Variants in ALK observed in about 807,000 individuals in gnomAD.
The protein encoded by ALK is ALK tyrosine kinase receptor.
ALK carries 74 observed loss-of-function variants against 163.1 expected under a neutral mutation model. The ratio of observed to expected loss-of-function variants is 0.45; its 90% confidence interval spans 0.38 to 0.55. The LOEUF (loss-of-function observed/expected upper bound fraction) is 0.55, where lower values mean the gene tolerates loss of function less well. Ranked by LOEUF, ALK falls within the 20% of genes least tolerant of loss-of-function variation. The probability of loss-of-function intolerance (pLI) is 0.00; values close to 1 mark genes in which losing one functional copy is unlikely to be tolerated. For missense variants in ALK, 2,063 were observed against 2,105.3 expected (o/e 0.98, Z 0.39); for synonymous variants, 960 against 843.2 (o/e 1.14, Z -2.40).
chr2:29,846,376 C>G (rs1572431351), intron 1 of ALK, among the ~76,000 whole-genome samples: 1 of 152,228 alleles, frequency 6.6e-6, no homozygotes, highest in African/African-American at 2.4e-5. Flanking sequence ...TCACAATACT[C>G]ATCACTATAT....
At position 29,621,821 on chromosome 2, in the gene ALK, G is replaced by A. The variant is rs374770879; in HGVS notation, c.952+73029C>T. ...CTCTTAACCAATCGCCAGCATCATT[G>A]TGCGAATGAGTTTGTCTCAACCATC... On this transcript the variant is annotated intron_variant, in intron 3 of 28. Coordinates refer to ENST00000389048, the MANE Select transcript of ALK (RefSeq NM_004304.5). Among the ~76,000 whole-genome samples, 14 of 152,260 alleles carry A rather than the reference G, an allele frequency of 9.2e-5. No homozygotes were observed. In the East Asian group the frequency reaches 1.4e-3, roughly 15 times the overall value.
intron 14 of ALK, 109 bp from the exon 15 acceptor site, chr2:29,232,557 C>A: frequency 6.9e-7 from 1 of 1,456,904 alleles, no homozygotes; most frequent in African/African-American, 1.4e-5. Flanking sequence ...TTTGGGGTGA[C>A]CTGGTGACCT....
At chr2:29,855,972 G>T (rs1367299744) in intron 1 of ALK, among the ~76,000 whole-genome samples, 1 of 152,196 alleles carries the variant, frequency 6.6e-6, no homozygotes, top group East Asian at 1.9e-4. Context: ...TAAAATTCAT[G>T]ATAATTACAT....
Position 29,207,288 on chromosome 2 carries a change from G to A in ALK, c.3837-16C>T, listed in dbSNP as rs2148152321. The A allele has an allele frequency of 6.2e-7, 1 of 1,601,920 alleles. No homozygotes were observed. The highest frequency in any genetic ancestry group is 8.6e-7 in the Non-Finnish European group (1 of 1,168,828). On this transcript the variant is annotated splice_polypyrimidine_tract_variant and intron_variant, in intron 25 of 28. Coordinates refer to ENST00000389048, the MANE Select transcript of ALK (RefSeq NM_004304.5). Reference sequence around the variant, plus strand: ...GTAGCTCGCCCTGTGGGGAAGGAGAGGAAAACCAAACTAGGATCTGGAGAT... The same window carrying A: ...GTAGCTCGCCCTGTGGGGAAGGAGAAGAAAACCAAACTAGGATCTGGAGAT...
At chr2:29,790,047 G>A (rs1664149578) in intron 1 of ALK, among the ~76,000 whole-genome samples, 1 of 152,176 alleles carries the variant, frequency 6.6e-6, no homozygotes, top group South Asian at 2.1e-4. Context: ...ATTCCCGAAT[G>A]CCGTCAAGAT....
At chr2:29,595,304 C>T (rs965566901) in intron 3 of ALK, among the ~76,000 whole-genome samples, 51 of 150,020 alleles carry the variant, frequency 3.4e-4, no homozygotes, top group African/African-American at 1.2e-3. Flanking sequence ...TCACTGAGAT[C>T]TGCTGTCTTA....
chr2:29,691,719 T>C (rs796677225), intron 3 of ALK, among the ~76,000 whole-genome samples: 10 of 152,298 alleles, frequency 6.6e-5, no homozygotes, highest in African/African-American at 2.4e-4. Context: ...TGTTTTGTCA[T>C]AGCACTCAGT....
chr2:29,915,439 C>T (rs1000146155), intron 1 of ALK, among the ~76,000 whole-genome samples: 2 of 152,050 alleles, frequency 1.3e-5, no homozygotes, highest in South Asian at 2.1e-4. Context: ...AGGCTGATCT[C>T]GAACTCCTGA....
chr2:29,795,470 G>A (rs536436810), intron 1 of ALK, among the ~76,000 whole-genome samples: 6 of 152,060 alleles, frequency 3.9e-5, no homozygotes, highest in East Asian at 1.9e-4. Context: ...TTAACTCATC[G>A]AAATCCATCC....
chr2:29,572,716 A>C (rs1347576717), intron 3 of ALK, among the ~76,000 whole-genome samples: 2 of 152,140 alleles, frequency 1.3e-5, no homozygotes, highest in East Asian at 1.9e-4. Context: ...CTTCAGCTCC[A>C]ATCCCCACGC....
chr2:29,828,184 T>C (rs948571671), intron 1 of ALK, among the ~76,000 whole-genome samples: 4 of 152,212 alleles, frequency 2.6e-5, no homozygotes, highest in African/African-American at 9.7e-5. Flanking sequence ...GATTAAAGAC[T>C]TAAATGTTAG....
At chr2:29,616,573 C>A (rs7598393) in intron 3 of ALK, among the ~76,000 whole-genome samples, 94,818 of 151,960 alleles carry the variant, frequency 0.62, 30,937 homozygotes, top group East Asian at 0.73. Context: ...TATCTATTGG[C>A]GAGGGCTCTG....
intron 4 of ALK, among the ~76,000 whole-genome samples, chr2:29,504,964 G>C (rs1672278187): frequency 6.6e-6 from 1 of 152,318 alleles, no homozygotes; most frequent in African/African-American, 2.4e-5. Flanking sequence ...CAGGGTGACT[G>C]TGACAGTGAG....
At chr2:29,897,632 C>A (rs192767990) in intron 1 of ALK, among the ~76,000 whole-genome samples, 1 of 152,264 alleles carries the variant, frequency 6.6e-6, no homozygotes, top group East Asian at 1.9e-4. Flanking sequence ...AGCCTCAAGA[C>A]CTCCTCTCTC....
At chr2:29,753,582 C>T (rs1247691352) in intron 1 of ALK, among the ~76,000 whole-genome samples, 1 of 152,046 alleles carries the variant, frequency 6.6e-6, no homozygotes, top group African/African-American at 2.4e-5. Flanking sequence ...ACAATAAAAG[C>T]TAGGGAGTTG....
intron 9 of ALK, among the ~76,000 whole-genome samples, chr2:29,293,744 C>T (rs1666101936): frequency 6.6e-6 from 1 of 152,100 alleles, no homozygotes; most frequent in African/African-American, 2.4e-5. Flanking sequence ...GGACAGATCA[C>T]ACATGGGCTT....
chr2:29,890,947 T>C (rs1477924460), intron 1 of ALK: 1 of 152,214 alleles, frequency 6.6e-6, no homozygotes, highest in Non-Finnish European at 1.5e-5. Flanking sequence ...AAGACCTAAG[T>C]TTGAATCTCA....
intron 3 of ALK, among the ~76,000 whole-genome samples, chr2:29,572,049 A>G (rs890024243): frequency 3.3e-5 from 5 of 152,196 alleles, no homozygotes; most frequent in African/African-American, 1.2e-4. Flanking sequence ...AATGTTAGGG[A>G]AAGGAGCTCA....
intron 2 of ALK, among the ~76,000 whole-genome samples, chr2:29,716,811 G>A (rs1316225016): frequency 1.3e-5 from 2 of 151,884 alleles, no homozygotes; most frequent in Non-Finnish European, 2.9e-5. Flanking sequence ...AAGGGGCCCT[G>A]GAAGACCTGT....
Sources: allele counts gnomAD v4.1 joint callset (sites outside exome capture counted in the v4.1 genomes callset), GRCh38; gene constraint gnomAD v4.1.1; transcripts MANE v1.5; gene names NCBI Gene and HGNC (gene_info 2026-07-23, HGNC 2026-07-21).